RIMS1: variants seen among roughly 807,000 people sequenced by gnomAD.
The protein encoded by RIMS1 is regulating synaptic membrane exocytosis 1.
A neutral mutation model predicts 214.1 loss-of-function variants in RIMS1; 83 were observed. The observed-to-expected ratio is 0.39, with a 90% CI of 0.32 to 0.47. RIMS1 has a LOEUF of 0.47. Among genes scored for constraint, RIMS1 ranks in the 20% least tolerant of loss-of-function variants. RIMS1 has a pLI of 0.99. For synonymous variants in RIMS1, 793 were observed against 786.8 expected (o/e 1.01, Z -0.13); for missense variants, 2,050 against 2,161.8 (o/e 0.95, Z 1.03).
intron 28 of RIMS1, among the ~76,000 whole-genome samples, chr6:72,327,553 A>G (rs1484418596): frequency 2.0e-5 from 3 of 151,814 alleles, no homozygotes. Context: ...TTGCTGGATC[A>G]TATGGTAGCT....
intron 3 of RIMS1, among the ~76,000 whole-genome samples, chr6:72,097,798 G>A (rs2032259070): frequency 6.6e-6 from 1 of 152,106 alleles, no homozygotes; most frequent in South Asian, 2.1e-4. Context: ...TGTTATGCCA[G>A]TACTTTAAAT....
At chr6:72,030,081 C>G (rs114041275) in intron 2 of RIMS1, among the ~76,000 whole-genome samples, 1 of 152,140 alleles carries the variant, frequency 6.6e-6, no homozygotes, top group South Asian at 2.1e-4. Flanking sequence ...CAGGGCCAGA[C>G]CATGTCATAG....
At chr6:72,191,589 G>C (rs1201961302) in intron 6 of RIMS1, among the ~76,000 whole-genome samples, 3 of 152,228 alleles carry the variant, frequency 2.0e-5, no homozygotes, top group African/African-American at 4.8e-5. Context: ...ATATACCCTT[G>C]AGGTAGAACA....
intron 1 of RIMS1, among the ~76,000 whole-genome samples, chr6:71,935,817 A>G (rs1562229203): frequency 1.3e-5 from 2 of 152,194 alleles, no homozygotes; most frequent in Non-Finnish European, 2.9e-5. Flanking sequence ...TCTCCCTCTC[A>G]TGATTTCTGC....
intron 2 of RIMS1, among the ~76,000 whole-genome samples, chr6:72,012,769 A>T (rs1331140365): frequency 6.6e-6 from 1 of 152,154 alleles, no homozygotes; most frequent in African/African-American, 2.4e-5. Context: ...AGCCTTTGAG[A>T]CCTTTAAGCT....
intron 2 of RIMS1, among the ~76,000 whole-genome samples, chr6:72,077,517 C>T (rs1346357367): frequency 2.6e-5 from 4 of 152,260 alleles, no homozygotes; most frequent in Middle Eastern, 3.4e-3. Flanking sequence ...CAAAGTTGTC[C>T]GGGATGTAAG....
chr6:72,394,072 C>G (rs1483168243), intron 31 of RIMS1, among the ~76,000 whole-genome samples: 1 of 147,052 alleles, frequency 6.8e-6, no homozygotes, highest in Non-Finnish European at 1.5e-5. Context: ...TGCTTCCTCA[C>G]AAGGTAAATA....
chr6:72,095,866 C>T (rs1359604881), intron 2 of RIMS1, among the ~76,000 whole-genome samples: 3 of 152,204 alleles, frequency 2.0e-5, no homozygotes, highest in Non-Finnish European at 2.9e-5. Flanking sequence ...AAAAAACTAG[C>T]TCAGATACCC....
At chr6:72,016,531 C>A (rs1457356562) in intron 2 of RIMS1, among the ~76,000 whole-genome samples, 1 of 152,252 alleles carries the variant, frequency 6.6e-6, no homozygotes, top group South Asian at 2.1e-4. Context: ...ACATACTGTT[C>A]TTTCCATCTT....
chr6:72,262,201 A>G (rs764238728), intron 19 of RIMS1: 8 of 860,048 alleles, frequency 9.3e-6, no homozygotes, highest in Non-Finnish European at 1.1e-5. Context: ...CTTATTTTGT[A>G]CTTGTAAAAT....
At chr6:72,287,381 C>T (rs1331971921) in intron 24 of RIMS1, among the ~76,000 whole-genome samples, 1 of 152,162 alleles carries the variant, frequency 6.6e-6, no homozygotes, top group Non-Finnish European at 1.5e-5. Flanking sequence ...AAGCAATTTA[C>T]TGCAAGTCCA....
At chr6:72,096,092 T>C (rs1388018423) in intron 2 of RIMS1, among the ~76,000 whole-genome samples, 1 of 152,212 alleles carries the variant, frequency 6.6e-6, no homozygotes, top group African/African-American at 2.4e-5. Flanking sequence ...GAGACTTTAA[T>C]CACATTAAAT....
chr6:72,292,755 T>C (rs920428734), intron 26 of RIMS1, among the ~76,000 whole-genome samples: 3 of 152,244 alleles, frequency 2.0e-5, no homozygotes, highest in Non-Finnish European at 2.9e-5. Flanking sequence ...TGACTTGTTA[T>C]CATTATTTTT....
chr6:71,957,772 A>G (rs537945508), intron 1 of RIMS1, among the ~76,000 whole-genome samples: 1 of 150,692 alleles, frequency 6.6e-6, no homozygotes, highest in East Asian at 1.9e-4. Context: ...TTAGCCGATA[A>G]AATAAATATA....
At chr6:72,379,604 G>T (rs544719787) in intron 29 of RIMS1, among the ~76,000 whole-genome samples, 38 of 152,342 alleles carry the variant, frequency 2.5e-4, no homozygotes, top group Admixed American at 1.2e-3. Context: ...GATGTAATCT[G>T]TGCAGAATAC....
intron 28 of RIMS1, among the ~76,000 whole-genome samples, chr6:72,324,887 AC>A (rs888376571): frequency 2.0e-5 from 3 of 151,880 alleles, no homozygotes; most frequent in African/African-American, 7.2e-5. Flanking sequence ...TGAAATATTT[AC>A]TATCTGGCCC....
chr6:72,182,213 G>A, intron 5 of RIMS1, 71 bp from the exon 6 acceptor site: 1 of 1,433,288 alleles, frequency 7.0e-7, no homozygotes, highest in Middle Eastern at 2.4e-4. Flanking sequence ...AGACTGGAAT[G>A]AGAAGAAAAC....
In RIMS1 at chr6:72,056,442, G is replaced by A; in HGVS notation, c.246-40507G>A. On this transcript the variant is annotated intron_variant, in intron 2 of 33. Transcript: ENST00000521978. ...AAAGTTAAAACATAAATTTAAAAAT[G>A]TAAATTATAGAAGTTTAAAACATAC... Among the ~76,000 whole-genome samples the A allele has an allele frequency of 2.0e-5, 3 of 152,230 alleles. 1 individual carries two copies. The South Asian group carries it at 6.2e-4, about 32-fold the overall frequency.
rs1376026518 is a variant in RIMS1, at chr6:72,265,988, A to G, written c.3337A>G (p.Arg1113Gly). Residue 1113 changes from arginine to glycine, a missense_variant, in exon 22 of 34, where the codon AGG becomes GGG. Arg to Gly is a moderately radical substitution (Grantham distance 125). Coordinates refer to ENST00000521978, the MANE Select transcript of RIMS1 (RefSeq NM_014989.7). ...SELQPFLDRA[R>G]SASTNCLRPD... ...ACTGCAGCCCTTTCTTGACAGGGCT[A>G]GGAGTGCTAGTACCAACTGCTTGAG... 1 of 1,582,428 alleles carries G rather than the reference A, an allele frequency of 6.3e-7. No homozygotes were observed. The highest frequency in any genetic ancestry group is 2.3e-5 in the East Asian group (1 of 43,708).
Sources: gnomAD v4.1 joint callset for allele counts (sites outside exome capture counted in the v4.1 genomes callset) on GRCh38, gnomAD v4.1.1 for gene constraint, MANE v1.5 for transcripts, NCBI Gene and HGNC (gene_info 2026-07-23, HGNC 2026-07-21) for gene names.